CADM2: variants seen among roughly 807,000 people sequenced by gnomAD.
CADM2 encodes cell adhesion molecule 2.
Under a neutral mutation model 49.8 loss-of-function variants are expected in CADM2, and 12 were observed. The observed-to-expected ratio is 0.24, with a 90% CI of 0.15 to 0.39. The LOEUF is 0.39. Among genes scored for constraint, CADM2 ranks in the 10% least tolerant of loss-of-function variants. CADM2 has a pLI of 1.00. For synonymous variants in CADM2, 214 were observed against 175.4 expected (o/e 1.22, Z -1.74); for missense variants, 378 against 492.3 (o/e 0.77, Z 2.20).
At chr3:85,082,874 A>T (rs555778826) in intron 1 of CADM2, among the ~76,000 whole-genome samples, 1 of 152,116 alleles carries the variant, frequency 6.6e-6, no homozygotes, top group South Asian at 2.1e-4. Flanking sequence ...TTCCTAAAAC[A>T]CACGCTAGCT....
intron 8 of CADM2, among the ~76,000 whole-genome samples, chr3:85,968,669 G>A (rs1725750045): frequency 6.6e-6 from 1 of 151,622 alleles, no homozygotes; most frequent in African/African-American, 2.4e-5. Flanking sequence ...GATAGAATCT[G>A]TGGCACTCGG....
intron 1 of CADM2, among the ~76,000 whole-genome samples, chr3:85,696,515 G>A (rs772248423): frequency 1.3e-5 from 2 of 151,864 alleles, no homozygotes; most frequent in African/African-American, 2.4e-5. Flanking sequence ...ACCATTTATC[G>A]AATAGGATTA....
intron 1 of CADM2, among the ~76,000 whole-genome samples, chr3:85,572,291 GTAAATAAAAAA>G (rs1201330991): frequency 6.6e-6 from 1 of 151,834 alleles, no homozygotes; most frequent in Non-Finnish European, 1.5e-5. Flanking sequence ...TGTGTAAAAA[GTAAATAAAAAA>G]TAAATAAACT....
chr3:85,950,727 C>A (rs1438164393), intron 7 of CADM2, among the ~76,000 whole-genome samples: 3 of 150,976 alleles, frequency 2.0e-5, no homozygotes, highest in African/African-American at 7.3e-5. Context: ...AATAGAAGTC[C>A]ATTTTTTATT....
chr3:85,304,232 A>G (rs541155931), intron 1 of CADM2, among the ~76,000 whole-genome samples: 1 of 151,944 alleles, frequency 6.6e-6, no homozygotes, highest in African/African-American at 2.4e-5. Flanking sequence ...AGCATGTCAA[A>G]GTGGTAGACG....
chr3:85,738,553 A>T (rs1173974906), intron 2 of CADM2, among the ~76,000 whole-genome samples: 1 of 152,232 alleles, frequency 6.6e-6, no homozygotes, highest in African/African-American at 2.4e-5. Context: ...TCATTTCAGC[A>T]TGATAATTTG....
At chr3:85,750,950 A>T (rs900060391) in intron 2 of CADM2, among the ~76,000 whole-genome samples, 11 of 151,812 alleles carry the variant, frequency 7.2e-5, no homozygotes, top group Admixed American at 2.0e-4. Flanking sequence ...ACAAAATTAC[A>T]TATAATATAG....
At chr3:85,605,590 C>T (rs1416378977) in intron 1 of CADM2, among the ~76,000 whole-genome samples, 1 of 152,010 alleles carries the variant, frequency 6.6e-6, no homozygotes, top group Non-Finnish European at 1.5e-5. Context: ...TTCTATGTTC[C>T]TGTGCTGCCT....
At chr3:85,961,226 G>A (rs1402764858) in intron 7 of CADM2, among the ~76,000 whole-genome samples, 4 of 150,584 alleles carry the variant, frequency 2.7e-5, no homozygotes, top group East Asian at 2.0e-4. Context: ...GACTGCTACT[G>A]GGACTCAACA....
chr3:85,668,637 G>A (rs1394048492), intron 1 of CADM2, among the ~76,000 whole-genome samples: 1 of 152,070 alleles, frequency 6.6e-6, no homozygotes, highest in African/African-American at 2.4e-5. Flanking sequence ...TTTGCCTGCT[G>A]CCATCCATGT....
intron 1 of CADM2, among the ~76,000 whole-genome samples, chr3:85,286,877 C>A (rs2043646140): frequency 6.6e-6 from 1 of 151,956 alleles, no homozygotes; most frequent in African/African-American, 2.4e-5. Context: ...TACAAGTTTT[C>A]TGATTTTATA....
At chr3:85,597,007 G>A (rs2107371045) in intron 1 of CADM2, among the ~76,000 whole-genome samples, 1 of 152,154 alleles carries the variant, frequency 6.6e-6, no homozygotes, top group Middle Eastern at 3.4e-3. Context: ...GTGAGCCATG[G>A]CAGCCGGCCT....
Position 85,071,023 on chromosome 3 carries a change from CAAAT to C in CADM2, c.61+111371_61+111374del, listed in dbSNP as rs1412399846. ...ATAAATAAATAAATAAATAAATAAA[CAAAT>C]AAATAAATAAATAAAATACTTATTA... On this transcript the variant is annotated intron_variant, in intron 1 of 9. Coordinates refer to ENST00000383699, the MANE Select transcript of CADM2 (RefSeq NM_001167675.2). Among the ~76,000 whole-genome samples the C allele has an allele frequency of 1.2e-4, 10 of 84,276 alleles. No individual in the cohort carries two copies. In the South Asian group the frequency reaches 1.4e-3, roughly 12 times the overall value. The allele number at this position is 84,276 out of a possible 152,430, so 55.3% of individuals were successfully genotyped here.
chr3:85,936,164 G>A (rs552442367), intron 7 of CADM2, among the ~76,000 whole-genome samples: 9 of 151,696 alleles, frequency 5.9e-5, no homozygotes, highest in Non-Finnish European at 1.0e-4. Context: ...TATAAAAGCA[G>A]CACACCGTTG....
At chr3:85,544,253 T>C (rs2061611879) in intron 1 of CADM2, among the ~76,000 whole-genome samples, 1 of 152,070 alleles carries the variant, frequency 6.6e-6, no homozygotes, top group Non-Finnish European at 1.5e-5. Flanking sequence ...AGGAGGCCCA[T>C]TGAGCTAGCT....
chr3:85,599,454 C>T (rs1162781367), intron 1 of CADM2, among the ~76,000 whole-genome samples: 2 of 151,918 alleles, frequency 1.3e-5, no homozygotes, highest in African/African-American at 2.4e-5. Flanking sequence ...TAGCAGAGCT[C>T]GAACTCTGTT....
intron 1 of CADM2, among the ~76,000 whole-genome samples, chr3:85,524,599 A>T (rs1340352886): frequency 6.6e-6 from 1 of 152,158 alleles, no homozygotes; most frequent in African/African-American, 2.4e-5. Flanking sequence ...AGAATGTATA[A>T]TCTACTGCTG....
At position 85,703,875 on chromosome 3, in the gene CADM2, C is replaced by A. The variant is rs149045541; in HGVS notation, c.62-22647C>A. 4.0e-3 allele frequency among the ~76,000 whole-genome samples: 615 copies of A among 152,298 alleles called. 3 individuals carry two copies. Among genetic ancestry groups the A allele is most frequent in the African/African-American group, 0.014 (594 of 41,572 alleles). Reference sequence around the variant, plus strand: ...CACCCCCATACCATCTTCTACTATGCTAAGTAGCAAAACAGTGTCTTTCAA... The same window carrying A: ...CACCCCCATACCATCTTCTACTATGATAAGTAGCAAAACAGTGTCTTTCAA... On this transcript the variant is annotated intron_variant, in intron 1 of 9. Coordinates refer to ENST00000383699, the MANE Select transcript of CADM2 (RefSeq NM_001167675.2).
intron 1 of CADM2, among the ~76,000 whole-genome samples, chr3:85,279,550 A>G (rs988979421): frequency 6.6e-6 from 1 of 151,362 alleles, no homozygotes; most frequent in African/African-American, 2.4e-5. Flanking sequence ...ATATTTCTTT[A>G]TTCCTGCATG....
Sources: gnomAD v4.1 joint callset for allele counts (sites outside exome capture counted in the v4.1 genomes callset) on GRCh38, gnomAD v4.1.1 for gene constraint, MANE v1.5 for transcripts, NCBI Gene and HGNC (gene_info 2026-07-23, HGNC 2026-07-21) for gene names.